Variants in GALNT13 observed in about 807,000 individuals in gnomAD.
GALNT13 encodes the protein polypeptide N-acetylgalactosaminyltransferase 13.
GALNT13 carries 28 observed loss-of-function variants against 64.2 expected under a neutral mutation model. That is an observed-to-expected ratio of 0.44 (90% CI 0.32 to 0.60). The LOEUF (loss-of-function observed/expected upper bound fraction) is 0.60, where lower values mean the gene tolerates loss of function less well. Ranked by LOEUF, GALNT13 falls within the 20% of genes least tolerant of loss-of-function variation. The pLI is 0.05. For synonymous variants in GALNT13, 214 were observed against 224.6 expected, an observed-to-expected ratio of 0.95 and a Z score of 0.42; for missense variants, 577 against 669.8, an observed-to-expected ratio of 0.86 and a Z score of 1.53.
At chr2:153,096,498 A>G in the GALNT13 span, among the ~76,000 whole-genome samples, 1 of 152,104 alleles carries the variant, frequency 6.6e-6, no homozygotes, top group African/African-American at 2.4e-5. Flanking sequence ...ATTGGAGTCT[A>G]TTTCTCTCTT....
chr2:153,975,910 C>T (rs1370448823), intron 3 of GALNT13, among the ~76,000 whole-genome samples: 2 of 152,040 alleles, frequency 1.3e-5, no homozygotes, highest in African/African-American at 4.8e-5. Flanking sequence ...CAACGTATAC[C>T]TATAAAAACA....
the GALNT13 span, among the ~76,000 whole-genome samples, chr2:153,516,514 G>A: frequency 6.6e-6 from 1 of 152,066 alleles, no homozygotes; most frequent in African/African-American, 2.4e-5. Flanking sequence ...AGAGTTTTGG[G>A]GAGATTACAA....
At chr2:154,322,236 T>G (rs1694665508) in intron 9 of GALNT13, among the ~76,000 whole-genome samples, 1 of 150,138 alleles carries the variant, frequency 6.7e-6, no homozygotes, top group African/African-American at 2.5e-5. Context: ...AATTGGCAGT[T>G]GTAAAGGATT....
rs1310015785 is a variant in GALNT13, at chr2:154,242,137, A to G, written c.419A>G (p.Asn140Ser). 1.9e-6 allele frequency: 3 copies of G among 1,613,316 alleles called. No individual in the cohort carries two copies. The highest frequency in any genetic ancestry group is 2.2e-5 in the South Asian group (2 of 90,984). The change falls in exon 5 of 13, where the codon AAT becomes AGT. Residue 140 changes from asparagine (N) to serine (S), a missense_variant. Transcript: ENST00000392825. ...CTTAGAACTGTTTACAGTGTGATAA[A>G]TCGTTCCCCACACTATCTACTCTCA... ...TLLRTVYSVINRSPHYLLSEV... is the reference protein window; with the variant it reads ...TLLRTVYSVISRSPHYLLSEV...
At chr2:153,982,786 A>T (rs1391047826) in intron 3 of GALNT13, among the ~76,000 whole-genome samples, 1 of 152,018 alleles carries the variant, frequency 6.6e-6, no homozygotes, top group Admixed American at 6.6e-5. Context: ...TTATCAAATA[A>T]ATTTAATTTT....
At chr2:153,901,818 T>C (rs1688253453) in intron 2 of GALNT13, among the ~76,000 whole-genome samples, 1 of 152,166 alleles carries the variant, frequency 6.6e-6, no homozygotes, top group South Asian at 2.1e-4. Context: ...TAAAAATATA[T>C]AACAGCTCCT....
the GALNT13 span, among the ~76,000 whole-genome samples, chr2:153,528,526 A>G: frequency 6.6e-6 from 1 of 151,978 alleles, no homozygotes; most frequent in Admixed American, 6.6e-5. Context: ...TGAGACAGAA[A>G]ATCAAAGAAA....
rs909977769 is a variant in GALNT13, at chr2:154,299,134, T to G, written c.976-2275T>G. On this transcript the variant is annotated intron_variant, in intron 8 of 12. Transcript: ENST00000392825. ...ATATAGATATTAAACAATTGATTTTTTGTGTGTTTTATAAATTTTTGAAGC... is the reference window on the plus strand; with the variant it reads ...ATATAGATATTAAACAATTGATTTTGTGTGTGTTTTATAAATTTTTGAAGC... 6.0e-5 allele frequency among the ~76,000 whole-genome samples: 9 copies of G among 150,056 alleles called. No individual in the cohort carries two copies. In the Admixed American group the frequency reaches 6.0e-4, roughly 10 times the overall value.
chr2:154,010,394 AT>A (rs1696551881), intron 3 of GALNT13, among the ~76,000 whole-genome samples: 1 of 152,204 alleles, frequency 6.6e-6, no homozygotes. Context: ...AATCACATTT[AT>A]TAATTTGCCT....
chr2:154,362,360 T>A, intron 9 of GALNT13, among the ~76,000 whole-genome samples: 1 of 150,960 alleles, frequency 6.6e-6, no homozygotes, highest in East Asian at 2.0e-4. Flanking sequence ...ATAGAGTAGG[T>A]TTTGATTCTC....
chr2:154,296,689 C>T (rs1045461751), intron 8 of GALNT13, among the ~76,000 whole-genome samples: 12 of 152,082 alleles, frequency 7.9e-5, no homozygotes, highest in African/African-American at 2.9e-4. Context: ...TTGTGGTAAG[C>T]AAAGAGGGAA....
At chr2:153,521,595 A>G in the GALNT13 span, among the ~76,000 whole-genome samples, 19 of 152,176 alleles carry the variant, frequency 1.2e-4, no homozygotes, top group Non-Finnish European at 2.2e-4. Context: ...GTGTTGTACC[A>G]TCCTGTGGAT....
chr2:153,851,558 A>T, the GALNT13 span, among the ~76,000 whole-genome samples: 1 of 150,704 alleles, frequency 6.6e-6, no homozygotes, highest in African/African-American at 2.4e-5. Context: ...AAAAAAAAGT[A>T]GCTTGGTGTG....
At chr2:154,400,196 T>C (rs799748) in intron 10 of GALNT13, among the ~76,000 whole-genome samples, 52,683 of 152,062 alleles carry the variant, frequency 0.35, 9,614 homozygotes, top group African/African-American at 0.46. Flanking sequence ...TTATTAACCT[T>C]TATTGGAAAA....
intron 9 of GALNT13, among the ~76,000 whole-genome samples, chr2:154,348,769 G>A (rs975555331): frequency 1.3e-5 from 2 of 151,844 alleles, no homozygotes; most frequent in African/African-American, 4.8e-5. Context: ...ATTCTACAAG[G>A]TCCTGGAAAT....
the GALNT13 span, among the ~76,000 whole-genome samples, chr2:153,588,632 G>T: frequency 1.3e-5 from 2 of 152,218 alleles, no homozygotes; most frequent in Admixed American, 6.5e-5. Flanking sequence ...GTGATTGGAG[G>T]AGCTGCCTTG....
chr2:153,529,753 T>C, the GALNT13 span, among the ~76,000 whole-genome samples: 4 of 152,010 alleles, frequency 2.6e-5, no homozygotes, highest in South Asian at 4.1e-4. Flanking sequence ...GTTCAACATA[T>C]GCAAATCAAT....
chr2:154,434,536 G>T (rs534941396), intron 11 of GALNT13, among the ~76,000 whole-genome samples: 1 of 152,224 alleles, frequency 6.6e-6, no homozygotes, highest in African/African-American at 2.4e-5. Flanking sequence ...TGGGATTAAG[G>T]CATAATAATC....
the GALNT13 span, among the ~76,000 whole-genome samples, chr2:153,458,678 A>G: frequency 6.6e-6 from 1 of 152,294 alleles, no homozygotes; most frequent in Admixed American, 6.5e-5. Flanking sequence ...ACATTGTTGT[A>G]TTCCCTAAGC....
Sources: allele counts gnomAD v4.1 joint callset (sites outside exome capture counted in the v4.1 genomes callset), GRCh38; gene constraint gnomAD v4.1.1; transcripts MANE v1.5; gene names NCBI Gene and HGNC (gene_info 2026-07-23, HGNC 2026-07-21).